The following PIGN variants were observed in gnomAD, a reference collection of about 807,000 sequenced individuals.
The protein encoded by PIGN is GPI ethanolamine phosphate transferase 1.
In PIGN, 117 loss-of-function variants were observed where a neutral mutation model predicts 125.4. The observed-to-expected ratio is 0.93, with a 90% CI of 0.80 to 1.09. The LOEUF (loss-of-function observed/expected upper bound fraction) is 1.09. Among genes scored for constraint, PIGN ranks in the 50% least tolerant of loss-of-function variants. PIGN has a pLI of 0.00. For synonymous variants in PIGN, 392 were observed against 377.8 expected (o/e 1.04, Z -0.44); for missense variants, 1,075 against 1,094.9 (o/e 0.98, Z 0.26).
At position 62,045,127 on chromosome 18, in the gene PIGN, A is replaced by G. The variant is rs1306751508; in HGVS notation, c.*729T>C. 3 of 152,110 alleles carry G rather than the reference A, an allele frequency of 2.0e-5. No individual in the cohort carries two copies. The highest frequency in any genetic ancestry group is 6.6e-5 in the Admixed American group (1 of 15,262). 9.4% of individuals were successfully genotyped at this position (152,110 alleles called of 1,614,324 possible). A position where few individuals can be genotyped will look rare whatever the true frequency, so the allele number is the denominator to read the frequency against. On this transcript the variant is annotated 3_prime_UTR_variant, in exon 31 of 31. Coordinates refer to ENST00000640252, the MANE Select transcript of PIGN (RefSeq NM_176787.5). The stretch of plus-strand genomic sequence containing the variant: ...GATGTTGAGCCTACAATTAAAAACT[A>G]TTTATTTTAAATGTTTTCCTATGTA...
chr18:62,101,249 G>T, intron 21 of PIGN, 66 bp from the exon 22 acceptor site: 1 of 860,310 alleles, frequency 1.2e-6, no homozygotes, highest in Non-Finnish European at 1.9e-6. Context: ...TAGCAAGAAT[G>T]TAAGACATTC....
intron 14 of PIGN, among the ~76,000 whole-genome samples, chr18:62,133,346 A>G (rs78329612): frequency 0.01 from 1,539 of 152,306 alleles, 52 homozygotes; most frequent in East Asian, 0.081. Flanking sequence ...CACTAAATCT[A>G]TATGTTTGGC....
intron 30 of PIGN, among the ~76,000 whole-genome samples, chr18:62,068,203 C>T (rs913898629): frequency 1.3e-4 from 20 of 152,220 alleles, no homozygotes; most frequent in African/African-American, 2.4e-4. Flanking sequence ...AGGAAGGAGA[C>T]GGGCTATGGA....
chr18:62,071,089 G>A (rs781760426), intron 30 of PIGN, among the ~76,000 whole-genome samples: 12 of 152,240 alleles, frequency 7.9e-5, no homozygotes, highest in South Asian at 2.1e-4. Context: ...GATTACAGGC[G>A]TGGGCCACTG....
intron 14 of PIGN, among the ~76,000 whole-genome samples, chr18:62,119,086 C>CT (rs1193403850): frequency 6.6e-6 from 1 of 152,018 alleles, no homozygotes; most frequent in African/African-American, 2.4e-5. Context: ...ATACTACACT[C>CT]TAAGAACAGA....
chr18:62,144,242 C>T (rs2036239347), intron 10 of PIGN, among the ~76,000 whole-genome samples: 1 of 152,146 alleles, frequency 6.6e-6, no homozygotes, highest in Non-Finnish European at 1.5e-5. Context: ...TAAATACAAA[C>T]ATACTATTTA....
At chr18:62,110,070 C>A in intron 16 of PIGN, 97 bp from the exon 17 acceptor site, 2 of 1,118,956 alleles carry the variant, frequency 1.8e-6, no homozygotes, top group Non-Finnish European at 2.6e-6. Flanking sequence ...CTATTACTTT[C>A]TTTCAATGGT....
intron 14 of PIGN, among the ~76,000 whole-genome samples, chr18:62,116,900 T>G (rs769479682): frequency 6.6e-6 from 1 of 152,096 alleles, no homozygotes; most frequent in African/African-American, 2.4e-5. Context: ...CTTAAGCTAA[T>G]TTAACAGACA....
intron 14 of PIGN, among the ~76,000 whole-genome samples, chr18:62,122,434 T>C (rs940167615): frequency 1.6e-4 from 25 of 152,290 alleles, no homozygotes; most frequent in African/African-American, 6.0e-4. Flanking sequence ...CAGAATCCAA[T>C]AGCAAATTTT....
chr18:62,092,345 T>C (rs1265447497), intron 23 of PIGN, among the ~76,000 whole-genome samples: 1 of 152,142 alleles, frequency 6.6e-6, no homozygotes, highest in East Asian at 1.9e-4. Context: ...GTTGTAGATA[T>C]TATACATTGG....
intron 14 of PIGN, chr18:62,118,606 G>C (rs1280180694): frequency 6.6e-6 from 1 of 152,180 alleles, no homozygotes; most frequent in Admixed American, 6.5e-5. Context: ...TGGAAGACTG[G>C]AGAGATAAAA....
Position 62,088,647 on chromosome 18 carries a change from A to G in PIGN, c.2370+109T>C, listed in dbSNP as rs2033821050. 13 of 672,978 alleles carry G rather than the reference A, an allele frequency of 1.9e-5. No individual in the cohort carries two copies. The South Asian group carries it at 2.4e-4, about 12-fold the overall frequency. 41.7% of individuals were successfully genotyped at this position (672,978 alleles called of 1,614,324 possible). ...GAGAAAACTATAGTTCAGGGAGGTT[A>G]AAGTACTTAACACCACTATTAAGTG... On this transcript the variant is annotated intron_variant, in intron 25 of 30. Coordinates refer to ENST00000640252, the MANE Select transcript of PIGN (RefSeq NM_176787.5).
intron 1 of PIGN, among the ~76,000 whole-genome samples, chr18:62,183,844 A>T (rs924120203): frequency 6.0e-5 from 4 of 66,190 alleles, no homozygotes; most frequent in African/African-American, 1.8e-4. Context: ...AAAATACTTT[A>T]AAAAAAAAAA....
intron 9 of PIGN, among the ~76,000 whole-genome samples, chr18:62,146,599 C>T (rs1772573856): frequency 6.6e-6 from 1 of 152,204 alleles, no homozygotes; most frequent in African/African-American, 2.4e-5. Flanking sequence ...GGGAATCTCA[C>T]AGGGCGCACA....
intron 14 of PIGN, among the ~76,000 whole-genome samples, chr18:62,123,898 T>A (rs1333429446): frequency 2.0e-5 from 3 of 150,006 alleles, no homozygotes; most frequent in African/African-American, 7.4e-5. Flanking sequence ...ATATTATAAC[T>A]CATTATATCT....
intron 1 of PIGN, among the ~76,000 whole-genome samples, chr18:62,166,622 C>T (rs1450287780): frequency 2.0e-5 from 3 of 152,142 alleles, no homozygotes; most frequent in Admixed American, 2.0e-4. Flanking sequence ...TATTGCAGCA[C>T]TATTTACAAC....
chr18:62,080,222 A>T (rs1364099859), intron 28 of PIGN, among the ~76,000 whole-genome samples: 1 of 152,154 alleles, frequency 6.6e-6, no homozygotes. Context: ...AGAACTGAAA[A>T]ATCATCCCTT....
At chr18:62,173,914 A>G (rs1282974699) in intron 1 of PIGN, among the ~76,000 whole-genome samples, 1 of 152,182 alleles carries the variant, frequency 6.6e-6, no homozygotes, top group African/African-American at 2.4e-5. Context: ...TAATTTCACT[A>G]TTAAAACTGA....
At chr18:62,148,802 A>G (rs958593675) in intron 7 of PIGN, among the ~76,000 whole-genome samples, 2 of 152,190 alleles carry the variant, frequency 1.3e-5, no homozygotes, top group African/African-American at 2.4e-5. Flanking sequence ...AGAACATTGC[A>G]AATAGCCTCC....
Sources: gnomAD v4.1 joint callset for allele counts (sites outside exome capture counted in the v4.1 genomes callset) on GRCh38, gnomAD v4.1.1 for gene constraint, MANE v1.5 for transcripts, NCBI Gene and HGNC (gene_info 2026-07-23, HGNC 2026-07-21) for gene names.